Variants in TJP2 observed in about 807,000 individuals in gnomAD.
The protein encoded by TJP2 is Friedreich ataxia region gene X104 (tight junction protein ZO-2).
A neutral mutation model predicts 133.1 loss-of-function variants in TJP2; 91 were observed. The observed-to-expected ratio is 0.68, with a 90% CI of 0.58 to 0.81. TJP2 has a LOEUF of 0.81. Ranked by LOEUF, TJP2 falls within the 40% of genes least tolerant of loss-of-function variation. TJP2 has a pLI of 0.00. For synonymous variants in TJP2, 592 were observed against 583.4 expected (o/e 1.01, Z -0.21); for missense variants, 1,541 against 1,565.6 (o/e 0.98, Z 0.26).
intron 1 of TJP2, among the ~76,000 whole-genome samples, chr9:69,190,305 T>C (rs1826123916): frequency 6.6e-6 from 1 of 152,234 alleles, no homozygotes; most frequent in Admixed American, 6.5e-5. Context: ...GTGTTGGTAA[T>C]ACTGACAAAC....
chr9:69,145,442 G>A (rs1048829464), intron 1 of TJP2: 8 of 243,706 alleles, frequency 3.3e-5, no homozygotes, highest in Admixed American at 1.7e-4. Context: ...GTTTAAAACC[G>A]CAGTCATTCC....
chr9:69,253,539 G>A (rs1041425237), intron 22 of TJP2: 19 of 158,128 alleles, frequency 1.2e-4, no homozygotes, highest in Non-Finnish European at 2.1e-4. Context: ...TGCAACCTCC[G>A]TCTCTCAGGT....
intron 2 of TJP2, among the ~76,000 whole-genome samples, chr9:69,157,297 C>G (rs777674575): frequency 2.0e-5 from 3 of 152,158 alleles, no homozygotes; most frequent in Non-Finnish European, 2.9e-5. Flanking sequence ...CGTCTTATTT[C>G]TCATACCCAT....
At chr9:69,197,671 A>C (rs571776061) in intron 1 of TJP2, among the ~76,000 whole-genome samples, 1 of 152,322 alleles carries the variant, frequency 6.6e-6, no homozygotes, top group South Asian at 2.1e-4. Flanking sequence ...AATGCTCTCC[A>C]GAAGCATTAC....
intron 1 of TJP2, among the ~76,000 whole-genome samples, chr9:69,139,173 AGCCACT>A (rs1209406327): frequency 6.8e-6 from 1 of 147,424 alleles, no homozygotes; most frequent in African/African-American, 2.5e-5. Flanking sequence ...GCTGAGATTG[AGCCACT>A]GCACTCCAGC....
chr9:69,218,169 A>G (rs1828536130), intron 3 of TJP2, 88 bp from the exon 4 acceptor site: 3 of 1,138,604 alleles, frequency 2.6e-6, no homozygotes, highest in Non-Finnish European at 3.9e-6. Flanking sequence ...TTTCAGGTCT[A>G]TTTGCTGCTT....
At position 69,211,049 on chromosome 9, in the gene TJP2, C is replaced by T. The variant is rs141909429; in HGVS notation, c.61-1499C>T. Among the ~76,000 whole-genome samples, 1,439 of 152,274 alleles carry T rather than the reference C, an allele frequency of 9.5e-3. 31 individuals carry two copies. Among genetic ancestry groups the T allele is most frequent in the African/African-American group, 0.032 (1,328 of 41,554 alleles). On this transcript the variant is annotated intron_variant, in intron 1 of 22. Coordinates refer to ENST00000377245, the MANE Select transcript of TJP2 (RefSeq NM_004817.4). ...CTCTTCTAATTTCTTAAAACATAAA[C>T]ACATAGTCCGGGTGGCTTGGTGGCT...
At chr9:69,236,716 A>G (rs1830217652) in intron 13 of TJP2, among the ~76,000 whole-genome samples, 1 of 152,094 alleles carries the variant, frequency 6.6e-6, no homozygotes, top group Non-Finnish European at 1.5e-5. Flanking sequence ...GAATGGGCCA[A>G]ATTTCACATG....
intron 2 of TJP2, among the ~76,000 whole-genome samples, chr9:69,159,756 G>A (rs149715745): frequency 0.012 from 1,892 of 151,746 alleles, 36 homozygotes; most frequent in Non-Finnish European, 0.016. Flanking sequence ...CGCGCCTGTA[G>A]TCCCAGCTAC....
intron 1 of TJP2, among the ~76,000 whole-genome samples, chr9:69,179,065 C>G (rs1825297357): frequency 6.6e-6 from 1 of 151,398 alleles, no homozygotes. Context: ...AGGTAGAAAA[C>G]AAGTATCCCT....
intron 11 of TJP2, among the ~76,000 whole-genome samples, chr9:69,230,993 A>G (rs1222325956): frequency 6.6e-6 from 1 of 152,086 alleles, no homozygotes; most frequent in African/African-American, 2.4e-5. Flanking sequence ...AAATAACTCA[A>G]CTTGACATTT....
intron 1 of TJP2, among the ~76,000 whole-genome samples, chr9:69,196,416 C>T (rs1317040914): frequency 6.6e-6 from 1 of 152,154 alleles, no homozygotes. Context: ...CTTGATTTCT[C>T]TACATGCACT....
At chr9:69,252,593 G>C (rs552248394) in intron 21 of TJP2, among the ~76,000 whole-genome samples, 11 of 152,140 alleles carry the variant, frequency 7.2e-5, no homozygotes, top group African/African-American at 2.2e-4. Context: ...CCAGGTTGTA[G>C]CATGTGTCAG....
At chr9:69,193,688 T>A in intron 1 of TJP2, among the ~76,000 whole-genome samples, 1 of 150,102 alleles carries the variant, frequency 6.7e-6, no homozygotes, top group African/African-American at 2.5e-5. Context: ...TTTTTTTTTT[T>A]TTTATAACTT....
intron 17 of TJP2, 114 bp downstream of exon 17, chr9:69,240,261 C>T: frequency 9.3e-7 from 1 of 1,074,902 alleles, no homozygotes; most frequent in South Asian, 1.4e-5. Flanking sequence ...GTTCATGACT[C>T]CTTGAAAAAT....
chr9:69,216,286 C>A, intron 2 of TJP2, 53 bp from the exon 3 acceptor site: 2 of 1,610,588 alleles, frequency 1.2e-6, no homozygotes, highest in East Asian at 2.2e-5. Flanking sequence ...TGTAATAAAT[C>A]CTGAAAGCCA....
chr9:69,139,320 G>A (rs1822913681), intron 1 of TJP2, among the ~76,000 whole-genome samples: 1 of 152,216 alleles, frequency 6.6e-6, no homozygotes, highest in South Asian at 2.1e-4. Flanking sequence ...CTAACCCCCA[G>A]TTCCTCAGAA....
At chr9:69,175,876 G>T (rs1024138252) in intron 1 of TJP2, among the ~76,000 whole-genome samples, 3 of 152,158 alleles carry the variant, frequency 2.0e-5, no homozygotes, top group Non-Finnish European at 4.4e-5. Flanking sequence ...GATTGATGAA[G>T]GGGAACTTTC....
At chr9:69,174,030 CCGCCCCCGGCCAGGAGTCGCGCGTGA>C, upstream of TJP2, 1 of 1,039,596 alleles carries the variant, frequency 9.6e-7, no homozygotes, top group East Asian at 8.0e-5. Flanking sequence ...CCGCCGCCTC[CCGCCCCCGGCCAGGAGTCGCGCGTGA>C]CGCGGTTCGC....
Sources: gnomAD v4.1 joint callset for allele counts (sites outside exome capture counted in the v4.1 genomes callset) on GRCh38, gnomAD v4.1.1 for gene constraint, MANE v1.5 for transcripts, NCBI Gene and HGNC (gene_info 2026-07-23, HGNC 2026-07-21) for gene names.